ATXN7L1: variants seen among roughly 807,000 people sequenced by gnomAD.
ATXN7L1 encodes ataxin-7-like protein 1.
Under a neutral mutation model 70.8 loss-of-function variants are expected in ATXN7L1, and 15 were observed. That is an observed-to-expected ratio of 0.21 (90% CI 0.14 to 0.33). ATXN7L1 has a LOEUF of 0.33. Among genes scored for constraint, ATXN7L1 ranks in the 10% least tolerant of loss-of-function variants. The pLI is 1.00. For synonymous variants in ATXN7L1, 440 were observed against 445.1 expected (o/e 0.99, Z 0.14); for missense variants, 975 against 1,097.1 (o/e 0.89, Z 1.57).
At chr7:105,830,020 A>T (rs2116584337) in intron 2 of ATXN7L1, among the ~76,000 whole-genome samples, 1 of 152,300 alleles carries the variant, frequency 6.6e-6, no homozygotes, top group South Asian at 2.1e-4. Flanking sequence ...GGACACACGA[A>T]GTGGCTCACT....
intron 2 of ATXN7L1, among the ~76,000 whole-genome samples, chr7:105,861,563 C>T (rs1816646233): frequency 6.6e-6 from 1 of 151,672 alleles, no homozygotes; most frequent in Non-Finnish European, 1.5e-5. Context: ...CTGAGATGCA[C>T]AATGACATCT....
chr7:105,718,191 TG>T (rs1488765333), intron 3 of ATXN7L1, among the ~76,000 whole-genome samples: 1 of 152,222 alleles, frequency 6.6e-6, no homozygotes, highest in East Asian at 1.9e-4. Flanking sequence ...GATCGAGTCC[TG>T]TAGCTATGCT....
intron 3 of ATXN7L1, among the ~76,000 whole-genome samples, chr7:105,752,591 G>A (rs1234405143): frequency 6.6e-6 from 1 of 152,178 alleles, no homozygotes; most frequent in African/African-American, 2.4e-5. Context: ...GCTCAAACAT[G>A]TAGTTGAGGC....
At chr7:105,708,072 G>A (rs958865646) in intron 3 of ATXN7L1, among the ~76,000 whole-genome samples, 3 of 152,204 alleles carry the variant, frequency 2.0e-5, no homozygotes, top group Admixed American at 6.5e-5. Context: ...CAGACTGGGC[G>A]CGAAGTGTTT....
intron 2 of ATXN7L1, among the ~76,000 whole-genome samples, chr7:105,807,782 CCAGA>C (rs1023828327): frequency 2.0e-5 from 3 of 152,236 alleles, no homozygotes; most frequent in Non-Finnish European, 4.4e-5. Context: ...CTCCCAACCA[CCAGA>C]CAGGTGAGGG....
intron 2 of ATXN7L1, among the ~76,000 whole-genome samples, chr7:105,857,231 G>C (rs559291588): frequency 1.3e-5 from 2 of 152,122 alleles, no homozygotes; most frequent in African/African-American, 4.8e-5. Flanking sequence ...CCTTTACTGT[G>C]GCCCATGTAA....
intron 2 of ATXN7L1, among the ~76,000 whole-genome samples, chr7:105,864,394 G>A (rs540422719): frequency 1.4e-5 from 2 of 144,412 alleles, no homozygotes; most frequent in South Asian, 2.2e-4. Context: ...GGAGATCGAC[G>A]CTGCAGTGAG....
At chr7:105,750,713 G>A (rs1799104862) in intron 3 of ATXN7L1, among the ~76,000 whole-genome samples, 1 of 152,188 alleles carries the variant, frequency 6.6e-6, no homozygotes, top group Non-Finnish European at 1.5e-5. Flanking sequence ...TGAGGCAGGA[G>A]AATCACTTGA....
rs902301981 is a variant in ATXN7L1 at position 105,613,845 on chromosome 7, G to A, written c.2472+17C>T. On this transcript the variant is annotated intron_variant, in intron 10 of 11. Transcript: ENST00000419735. ...GCCCCCCAGAGCCGGTGAAGGCGGT[G>A]CCAGGAGGTCCCTTACCTGCCGAGA... is the stretch of plus-strand genomic sequence containing the variant. The A allele has an allele frequency of 4.5e-6, 7 of 1,551,834 alleles. No homozygotes were observed. Among genetic ancestry groups the A allele is most frequent in the Non-Finnish European group, 6.1e-6 (7 of 1,147,034 alleles).
At chr7:105,717,496 G>A (rs1226243922) in intron 3 of ATXN7L1, among the ~76,000 whole-genome samples, 2 of 152,138 alleles carry the variant, frequency 1.3e-5, no homozygotes, top group African/African-American at 2.4e-5. Context: ...CATATTGGTT[G>A]CAATTTTTTG....
intron 2 of ATXN7L1, among the ~76,000 whole-genome samples, chr7:105,823,778 C>G (rs1350374490): frequency 6.6e-6 from 1 of 152,176 alleles, no homozygotes; most frequent in African/African-American, 2.4e-5. Flanking sequence ...TGATTGCTGA[C>G]TGGGCAGAGT....
intron 5 of ATXN7L1, among the ~76,000 whole-genome samples, chr7:105,639,832 C>T (rs1797913048): frequency 6.6e-6 from 1 of 152,170 alleles, no homozygotes; most frequent in African/African-American, 2.4e-5. Flanking sequence ...GCACAAGGCT[C>T]GGGGAATAGG....
At chr7:105,698,756 A>G (rs1015451263) in intron 3 of ATXN7L1, among the ~76,000 whole-genome samples, 7 of 152,178 alleles carry the variant, frequency 4.6e-5, no homozygotes, top group African/African-American at 1.7e-4. Context: ...AAGATCTTAG[A>G]TGTGGGTTGA....
intron 7 of ATXN7L1, 83 bp downstream of exon 7, chr7:105,638,270 A>G: frequency 7.0e-7 from 1 of 1,434,510 alleles, no homozygotes. Context: ...CATTTAACAT[A>G]TAATCAGACC....
At chr7:105,792,244 C>T (rs975676490) in intron 2 of ATXN7L1, among the ~76,000 whole-genome samples, 3 of 152,190 alleles carry the variant, frequency 2.0e-5, no homozygotes, top group Non-Finnish European at 4.4e-5. Context: ...AGGGAAGTGT[C>T]AACCTTGTAC....
rs1191774371 is a variant in ATXN7L1, at chr7:105,619,140, G to GTTTTTTTTTTTTTTTTTTTTTTTTTTTT, written c.1517+1059_1517+1060insAAAAAAAAAAAAAAAAAAAAAAAAAAAA. Among the ~76,000 whole-genome samples the GTTTTTTTTTTTTTTTTTTTTTTTTTTTT allele has an allele frequency of 4.0e-5, 2 of 49,846 alleles. 1 individual carries two copies. The highest frequency in any genetic ancestry group is 1.6e-4 in the African/African-American group (2 of 12,216). The allele number at this position is 49,846 out of a possible 152,430, so 32.7% of individuals were successfully genotyped here. A position where few individuals can be genotyped will look rare whatever the true frequency, so the allele number is the denominator to read the frequency against. On this transcript the variant is annotated intron_variant, in intron 9 of 11. Coordinates refer to ENST00000419735, the MANE Select transcript of ATXN7L1 (RefSeq NM_020725.2). ...GTCCACAACCATAATGAAATCTTTAGTTTTTTTTTTTTTTTTTTTTTTTTT... is the reference window on the plus strand; with the variant it reads ...GTCCACAACCATAATGAAATCTTTAGTTTTTTTTTTTTTTTTTTTTTTTTTTTTTTTTTTTTTTTTTTTTTTTTTTTTT...
At chr7:105,681,498 C>G (rs1805555310) in intron 3 of ATXN7L1, among the ~76,000 whole-genome samples, 1 of 152,034 alleles carries the variant, frequency 6.6e-6, no homozygotes, top group East Asian at 1.9e-4. Flanking sequence ...TATGGCGGTT[C>G]CTCAAAGAAT....
chr7:105,805,220 G>T (rs1191653278), intron 2 of ATXN7L1, among the ~76,000 whole-genome samples: 1 of 152,236 alleles, frequency 6.6e-6, no homozygotes, highest in Non-Finnish European at 1.5e-5. Flanking sequence ...AGAGGAGGGA[G>T]CCATGAGCTC....
intron 2 of ATXN7L1, among the ~76,000 whole-genome samples, chr7:105,790,630 CT>C (rs1241576669): frequency 1.3e-5 from 2 of 149,804 alleles, no homozygotes; most frequent in Non-Finnish European, 3.0e-5. Context: ...ATCTATCTAT[CT>C]ATCTATCTAT....
Sources: allele counts gnomAD v4.1 joint callset (sites outside exome capture counted in the v4.1 genomes callset), GRCh38; gene constraint gnomAD v4.1.1; transcripts MANE v1.5; gene names NCBI Gene and HGNC (gene_info 2026-07-23, HGNC 2026-07-21).